CADM1: variants seen among roughly 807,000 people sequenced by gnomAD.
The protein encoded by CADM1 is TSLC-1.
A neutral mutation model predicts 53.1 loss-of-function variants in CADM1; 15 were observed. The observed-to-expected ratio is 0.28, with a 90% CI of 0.19 to 0.44. The LOEUF is 0.44. Ranked by LOEUF, CADM1 falls within the 20% of genes least tolerant of loss-of-function variation. The probability of loss-of-function intolerance (pLI) is 1.00; values close to 1 mark genes in which losing one functional copy is unlikely to be tolerated. For synonymous variants in CADM1, 281 were observed against 243.0 expected (o/e 1.16, Z -1.45); for missense variants, 434 against 611.3 (o/e 0.71, Z 3.06).
chr11:115,495,939 AGGCC>A (rs1949600843), intron 1 of CADM1, among the ~76,000 whole-genome samples: 1 of 152,184 alleles, frequency 6.6e-6, no homozygotes, highest in Non-Finnish European at 1.5e-5. Flanking sequence ...GTTCCACATG[AGGCC>A]CTCTGACTGT....
intron 1 of CADM1, among the ~76,000 whole-genome samples, chr11:115,450,580 T>C (rs1948549737): frequency 6.6e-6 from 1 of 152,230 alleles, no homozygotes; most frequent in Non-Finnish European, 1.5e-5. Context: ...GCTCCATAAC[T>C]ATACACTTTG....
At chr11:115,473,534 C>T (rs994606810) in intron 1 of CADM1, among the ~76,000 whole-genome samples, 1 of 152,132 alleles carries the variant, frequency 6.6e-6, no homozygotes, top group East Asian at 1.9e-4. Flanking sequence ...TACAGAACTA[C>T]ACAAATATGG....
intron 1 of CADM1, among the ~76,000 whole-genome samples, chr11:115,321,159 A>C (rs1288996192): frequency 6.6e-6 from 1 of 152,236 alleles, no homozygotes; most frequent in Non-Finnish European, 1.5e-5. Context: ...TCAGTTTTTC[A>C]AAGATAGTAA....
chr11:115,500,979 T>C (rs1250070653), intron 1 of CADM1, among the ~76,000 whole-genome samples: 8 of 152,230 alleles, frequency 5.3e-5, no homozygotes, highest in East Asian at 1.9e-4. Flanking sequence ...AGGAGGGCCA[T>C]TGGGGAAAAC....
intron 1 of CADM1, among the ~76,000 whole-genome samples, chr11:115,449,282 T>G (rs957672027): frequency 6.6e-6 from 1 of 152,210 alleles, no homozygotes; most frequent in Non-Finnish European, 1.5e-5. Context: ...ATGGACAGAC[T>G]ACCCAAAACT....
intron 1 of CADM1, among the ~76,000 whole-genome samples, chr11:115,406,911 T>C (rs569777399): frequency 5.6e-4 from 84 of 150,524 alleles, no homozygotes; most frequent in Non-Finnish European, 1.0e-3. Flanking sequence ...GATTATGCCA[T>C]TGCACTCCAG....
chr11:115,173,696 T>G lies in CADM1; in HGVS notation c.*2778A>C, dbSNP rs1359752735. Reference sequence around the variant, plus strand: ...ATAGTACTTCTTTTTTTTCTTTTTTTTTTTGTAAAAATGGTATACATGAAC... The same window carrying G: ...ATAGTACTTCTTTTTTTTCTTTTTTGTTTTGTAAAAATGGTATACATGAAC... On this transcript the variant is annotated 3_prime_UTR_variant, in exon 12 of 12. Transcript: ENST00000331581. 1 of 636,756 alleles carries G rather than the reference T, an allele frequency of 1.6e-6. No individual in the cohort carries two copies. The highest frequency in any genetic ancestry group is 2.0e-6 in the Non-Finnish European group (1 of 511,450). The allele number at this position is 636,756 out of a possible 1,614,324, so 39.4% of individuals were successfully genotyped here.
chr11:115,315,115 T>C (rs534268695), intron 1 of CADM1, among the ~76,000 whole-genome samples: 99 of 152,258 alleles, frequency 6.5e-4, no homozygotes, highest in African/African-American at 2.3e-3. Context: ...CTGTCAGAAA[T>C]GTCCTTTGTG....
At chr11:115,260,839 A>AT (rs58290454) in intron 1 of CADM1, among the ~76,000 whole-genome samples, 49,533 of 151,126 alleles carry the variant, frequency 0.33, 9,927 homozygotes, top group East Asian at 0.7. Flanking sequence ...CCCCCGGCTA[A>AT]TTTTTTGTAT....
chr11:115,291,143 C>T (rs1041783966), intron 1 of CADM1, among the ~76,000 whole-genome samples: 2 of 152,010 alleles, frequency 1.3e-5, no homozygotes, highest in East Asian at 1.9e-4. Context: ...GCGAGAGCAA[C>T]GAGGAGTGCC....
At chr11:115,194,785 C>A (rs1386871391) in intron 9 of CADM1, among the ~76,000 whole-genome samples, 1 of 152,040 alleles carries the variant, frequency 6.6e-6, no homozygotes, top group East Asian at 1.9e-4. Flanking sequence ...TGCTGTCACC[C>A]GACCCCTCAC....
At chr11:115,278,508 G>A (rs1331620593) in intron 1 of CADM1, among the ~76,000 whole-genome samples, 1 of 152,132 alleles carries the variant, frequency 6.6e-6, no homozygotes, top group African/African-American at 2.4e-5. Flanking sequence ...TCATTACTAT[G>A]GAGGGTTCTG....
At chr11:115,466,523 G>GA (rs1948901812) in intron 1 of CADM1, among the ~76,000 whole-genome samples, 1 of 152,156 alleles carries the variant, frequency 6.6e-6, no homozygotes, top group Non-Finnish European at 1.5e-5. Context: ...GGTTTTTCAG[G>GA]AAAGAGAAAA....
At chr11:115,265,738 C>A (rs981853885) in intron 1 of CADM1, among the ~76,000 whole-genome samples, 21 of 152,236 alleles carry the variant, frequency 1.4e-4, no homozygotes, top group Middle Eastern at 3.4e-3. Flanking sequence ...TACACACATG[C>A]CATAAACATT....
intron 8 of CADM1, among the ~76,000 whole-genome samples, chr11:115,200,526 G>A (rs911102575): frequency 2.0e-5 from 3 of 151,496 alleles, no homozygotes; most frequent in Non-Finnish European, 2.9e-5. Flanking sequence ...ATGGAGTTTC[G>A]CTCTTGTTGC....
intron 1 of CADM1, among the ~76,000 whole-genome samples, chr11:115,305,264 T>C (rs1363229419): frequency 6.6e-6 from 1 of 151,992 alleles, no homozygotes; most frequent in Non-Finnish European, 1.5e-5. Context: ...GCCACAAGAT[T>C]ATCTGGACTC....
At chr11:115,403,348 G>A (rs1947212206) in intron 1 of CADM1, among the ~76,000 whole-genome samples, 1 of 152,190 alleles carries the variant, frequency 6.6e-6, no homozygotes. Context: ...AATGCAATGT[G>A]TAATCCTGAA....
chr11:115,503,717 G>C (rs138718907), intron 1 of CADM1, among the ~76,000 whole-genome samples: 9 of 152,208 alleles, frequency 5.9e-5, no homozygotes, highest in Non-Finnish European at 1.2e-4. Flanking sequence ...GAGCGCGTTG[G>C]GGGAAGGGGC....
intron 1 of CADM1, among the ~76,000 whole-genome samples, chr11:115,449,451 C>T (rs1172869209): frequency 6.6e-6 from 1 of 152,124 alleles, no homozygotes; most frequent in African/African-American, 2.4e-5. Flanking sequence ...TTTCTTAAGC[C>T]CCCTCAGGGC....
Sources: allele counts gnomAD v4.1 joint callset (sites outside exome capture counted in the v4.1 genomes callset), GRCh38; gene constraint gnomAD v4.1.1; transcripts MANE v1.5; gene names NCBI Gene and HGNC (gene_info 2026-07-23, HGNC 2026-07-21).